The following MAN1A2 variants were observed in gnomAD, a reference collection of about 807,000 sequenced individuals.
MAN1A2 encodes the protein mannosidase alpha class 1A member 2, also known as mannosyl-oligosaccharide 1,2-alpha-mannosidase IB.
A neutral mutation model predicts 75.7 loss-of-function variants in MAN1A2; 26 were observed. That is an observed-to-expected ratio of 0.34 (90% CI 0.25 to 0.48). The LOEUF is 0.48. Ranked by LOEUF, MAN1A2 falls within the 20% of genes least tolerant of loss-of-function variation. The pLI, the probability that MAN1A2 is intolerant of heterozygous loss-of-function variation, is 0.99. For synonymous variants in MAN1A2, 247 were observed against 264.6 expected, an observed-to-expected ratio of 0.93 and a Z score of 0.65; for missense variants, 562 against 775.5, an observed-to-expected ratio of 0.72 and a Z score of 3.27.
intron 6 of MAN1A2, among the ~76,000 whole-genome samples, chr1:117,452,469 A>G (rs572631691): frequency 3.0e-4 from 45 of 152,378 alleles, no homozygotes; most frequent in African/African-American, 1.1e-3. Context: ...TAACAGTGCT[A>G]TGCCAGTGAA....
chr1:117,494,890 A>G (rs563531231), intron 9 of MAN1A2: 13 of 152,076 alleles, frequency 8.5e-5, no homozygotes, highest in Admixed American at 5.2e-4. Context: ...ACCTAGCACA[A>G]TACTTGAAAC....
At chr1:117,433,792 T>G (rs1648759222) in intron 5 of MAN1A2, among the ~76,000 whole-genome samples, 1 of 152,212 alleles carries the variant, frequency 6.6e-6, no homozygotes, top group Admixed American at 6.5e-5. Flanking sequence ...TAAAAATTTT[T>G]GGAAATGAGA....
rs1372819695 is a variant in MAN1A2, at chr1:117,527,565, G to A, written c.*4608G>A. The stretch of plus-strand genomic sequence containing the variant: ...TTCCTGGAGTCTGTTCAGGTTTCAG[G>A]ACGATTGACTATAATGAAAGAGACA... On this transcript the variant is annotated 3_prime_UTR_variant, in exon 13 of 13. Transcript: ENST00000356554. The A allele has an allele frequency of 6.6e-6, 1 of 152,010 alleles. No homozygotes were observed. Among genetic ancestry groups the A allele is most frequent in the Admixed American group, 6.6e-5 (1 of 15,238 alleles). The allele number at this position is 152,010 out of a possible 1,614,324, so 9.4% of individuals were successfully genotyped here.
At chr1:117,436,458 C>T (rs1648852506) in intron 5 of MAN1A2, among the ~76,000 whole-genome samples, 1 of 152,124 alleles carries the variant, frequency 6.6e-6, no homozygotes, top group South Asian at 2.1e-4. Context: ...CAAATGGATC[C>T]AGCTGCTGCT....
chr1:117,432,969 T>C (rs1431746857), intron 5 of MAN1A2, among the ~76,000 whole-genome samples: 1 of 149,250 alleles, frequency 6.7e-6, no homozygotes, highest in Non-Finnish European at 1.5e-5. Context: ...AAAGATAATA[T>C]ATCAAGAAAA....
Position 117,523,083 on chromosome 1 carries a change from C to A in MAN1A2, c.*126C>A, listed in dbSNP as rs1651914735. ...TCAACATGACAGGGTGAAACTATTC[C>A]CCCTAAGACTGTTCAACTTGTAGAT... On this transcript the variant is annotated 3_prime_UTR_variant, in exon 13 of 13. Coordinates refer to ENST00000356554, the MANE Select transcript of MAN1A2 (RefSeq NM_006699.5). 4 of 990,648 alleles carry A rather than the reference C, an allele frequency of 4.0e-6. No homozygotes were observed. The highest frequency in any genetic ancestry group is 6.3e-6 in the Non-Finnish European group (4 of 639,220). 61.4% of individuals were successfully genotyped at this position (990,648 alleles called of 1,614,324 possible).
chr1:117,384,246 A>G (rs1053483349), intron 1 of MAN1A2, among the ~76,000 whole-genome samples: 1 of 152,032 alleles, frequency 6.6e-6, no homozygotes, highest in African/African-American at 2.4e-5. Flanking sequence ...AAATGTAGGT[A>G]TTTACTACTA....
chr1:117,471,500 G>A (rs1650150467), intron 8 of MAN1A2, among the ~76,000 whole-genome samples: 1 of 151,786 alleles, frequency 6.6e-6, no homozygotes, highest in Admixed American at 6.6e-5. Flanking sequence ...ATATCAAAAG[G>A]ACCTTAGAGT....
chr1:117,501,135 T>C (rs757581744), intron 11 of MAN1A2, among the ~76,000 whole-genome samples: 9 of 151,776 alleles, frequency 5.9e-5, no homozygotes, highest in Non-Finnish European at 1.0e-4. Context: ...CTTTTGTCTG[T>C]TAAGGAGAGG....
intron 6 of MAN1A2, among the ~76,000 whole-genome samples, chr1:117,445,687 T>C (rs1004641511): frequency 1.3e-5 from 2 of 151,666 alleles, no homozygotes; most frequent in African/African-American, 4.8e-5. Context: ...ACACCACACC[T>C]AGGTAATTTT....
intron 7 of MAN1A2, among the ~76,000 whole-genome samples, chr1:117,463,075 A>G (rs1174672157): frequency 6.6e-6 from 1 of 151,538 alleles, no homozygotes; most frequent in African/African-American, 2.4e-5. Flanking sequence ...CCCTGTTCTG[A>G]CTAAATAAAT....
Position 117,522,840 on chromosome 1 carries a change from G to A in MAN1A2, c.1809G>A (p.Leu603=), listed in dbSNP as rs1234257641. The A allele has an allele frequency of 1.2e-6, 2 of 1,610,978 alleles. No homozygotes were observed. Among genetic ancestry groups the A allele is most frequent in the Admixed American group, 1.7e-5 (1 of 59,760 alleles). ...TTATTTTCAGATATTTGTATCTGCT[G>A]TTCTCCGGTGATGACCTTTTACCTT... The part of the protein sequence containing the change: ...LAETLKYLYL[L]FSGDDLLPLD... Residue 603 remains leucine, a synonymous_variant, in exon 13 of 13, where the codon CTG becomes CTA. Coordinates refer to ENST00000356554, the MANE Select transcript of MAN1A2 (RefSeq NM_006699.5).
chr1:117,505,827 G>T (rs1474670869), intron 12 of MAN1A2, among the ~76,000 whole-genome samples: 1 of 151,194 alleles, frequency 6.6e-6, no homozygotes, highest in Non-Finnish European at 1.5e-5. Context: ...TAAAAATATT[G>T]AACTATTAAG....
intron 7 of MAN1A2, 77 bp downstream of exon 7, chr1:117,460,689 TA>T: frequency 1.4e-6 from 2 of 1,465,402 alleles, no homozygotes; most frequent in Non-Finnish European, 1.8e-6. Flanking sequence ...GATTAATGCT[TA>T]AAAGGTTTGC....
At position 117,524,393 on chromosome 1, in the gene MAN1A2, G is replaced by A. The variant is rs1042679516; in HGVS notation, c.*1436G>A. ...TCCTTAAATTTATGTGACAGTGCAA[G>A]ATACTTTTGCTCTTTTCATTTAATA... On this transcript the variant is annotated 3_prime_UTR_variant, in exon 13 of 13. Coordinates refer to ENST00000356554, the MANE Select transcript of MAN1A2 (RefSeq NM_006699.5). 2 of 151,860 alleles carry A rather than the reference G, an allele frequency of 1.3e-5. No homozygotes were observed. The highest frequency in any genetic ancestry group is 4.1e-4 in the South Asian group (2 of 4,832). The allele number at this position is 151,860 out of a possible 1,614,324, so 9.4% of individuals were successfully genotyped here.
intron 5 of MAN1A2, among the ~76,000 whole-genome samples, chr1:117,428,111 CTATT>C (rs1270062208): frequency 7.7e-6 from 1 of 130,292 alleles, no homozygotes; most frequent in Non-Finnish European, 1.7e-5. Context: ...CTCTCTCTCT[CTATT>C]TTTTTTTTTT....
chr1:117,474,799 A>G (rs1358171240), intron 8 of MAN1A2, among the ~76,000 whole-genome samples: 1 of 150,316 alleles, frequency 6.7e-6, no homozygotes, highest in Non-Finnish European at 1.5e-5. Flanking sequence ...CAAAATAGTG[A>G]ACATATCTAT....
At chr1:117,454,315 G>A (rs1467674534) in intron 6 of MAN1A2, among the ~76,000 whole-genome samples, 3 of 152,052 alleles carry the variant, frequency 2.0e-5, no homozygotes, top group African/African-American at 7.2e-5. Context: ...GAACCCAGCA[G>A]GATAAATATA....
chr1:117,483,456 T>C (rs1423759240), intron 8 of MAN1A2, among the ~76,000 whole-genome samples: 1 of 152,096 alleles, frequency 6.6e-6, no homozygotes, highest in Non-Finnish European at 1.5e-5. Context: ...GTCCTTCACA[T>C]CCCTTGTAAG....
Sources: allele counts gnomAD v4.1 joint callset (sites outside exome capture counted in the v4.1 genomes callset), GRCh38; gene constraint gnomAD v4.1.1; transcripts MANE v1.5; gene names NCBI Gene and HGNC (gene_info 2026-07-23, HGNC 2026-07-21).